The following FNIP2 variants were observed in gnomAD, a reference collection of about 807,000 sequenced individuals.
The protein encoded by FNIP2 is folliculin interacting protein 2.
Under a neutral mutation model 108.7 loss-of-function variants are expected in FNIP2, and 32 were observed. That is an observed-to-expected ratio of 0.29 (90% CI 0.22 to 0.40). The LOEUF (loss-of-function observed/expected upper bound fraction) is 0.40, where lower values mean the gene tolerates loss of function less well. Among genes scored for constraint, FNIP2 ranks in the 10% least tolerant of loss-of-function variants. The probability of loss-of-function intolerance (pLI) is 1.00; values close to 1 mark genes in which losing one functional copy is unlikely to be tolerated. For missense variants in FNIP2, 1,202 were observed against 1,381.6 expected, an observed-to-expected ratio of 0.87 and a Z score of 2.06; for synonymous variants, 480 against 496.7, an observed-to-expected ratio of 0.97 and a Z score of 0.45.
At chr4:158,889,874 T>C (rs2126767235) in intron 14 of FNIP2, 1 of 985,250 alleles carries the variant, frequency 1.0e-6, no homozygotes, top group East Asian at 1.1e-4. Context: ...TATAAATTTA[T>C]AACACAGGAT....
At chr4:158,872,808 G>C in intron 14 of FNIP2, 7 of 945,370 alleles carry the variant, frequency 7.4e-6, no homozygotes, top group Non-Finnish European at 8.8e-6. Context: ...AAATATTTTA[G>C]GAGTATTTGT....
intron 1 of FNIP2, among the ~76,000 whole-genome samples, chr4:158,793,648 G>A (rs922736043): frequency 2.0e-5 from 3 of 152,132 alleles, no homozygotes; most frequent in Admixed American, 6.5e-5. Context: ...TAAGATTGGC[G>A]AATGAGCATA....
At chr4:158,840,389 GT>G (rs1381930042) in intron 7 of FNIP2, among the ~76,000 whole-genome samples, 6 of 151,746 alleles carry the variant, frequency 4.0e-5, no homozygotes, top group African/African-American at 1.5e-4. Context: ...GCTAAAATTT[GT>G]TTTTTTGTTG....
chr4:158,770,572 C>T lies in FNIP2; in HGVS notation c.107+1253C>T, dbSNP rs142896245. Among the ~76,000 whole-genome samples, 717 of 152,234 alleles carry T rather than the reference C, an allele frequency of 4.7e-3. 4 individuals carry two copies. The highest frequency in any genetic ancestry group is 0.021 in the South Asian group (100 of 4,818). On this transcript the variant is annotated intron_variant, in intron 1 of 16. Coordinates refer to ENST00000264433, the MANE Select transcript of FNIP2 (RefSeq NM_020840.3). ...TTAAACGTGTGTGTGTGTGTGCACG[C>T]GCGCTCATGGAAGGCATATTGTGAG...
intron 15 of FNIP2, among the ~76,000 whole-genome samples, chr4:158,894,964 A>G (rs1782547887): frequency 6.6e-6 from 1 of 152,204 alleles, no homozygotes; most frequent in African/African-American, 2.4e-5. Context: ...CTAATGGTCT[A>G]GAAGAAAATT....
intron 1 of FNIP2, among the ~76,000 whole-genome samples, chr4:158,792,603 A>C (rs1350419397): frequency 6.6e-6 from 1 of 152,182 alleles, no homozygotes; most frequent in East Asian, 1.9e-4. Context: ...AGAAACACAT[A>C]TACACTATAA....
chr4:158,781,776 G>A lies in FNIP2; in HGVS notation c.107+12457G>A, dbSNP rs116679538. ...AAGTGATCCGCCTGTCTTGGCCTCC[G>A]CAAGGTGCTGGGATTACAGGCGGGA... is the stretch of plus-strand genomic sequence containing the variant. On this transcript the variant is annotated intron_variant, in intron 1 of 16. Transcript: ENST00000264433. Among the ~76,000 whole-genome samples the A allele has an allele frequency of 2.3e-3, 347 of 152,128 alleles. 3 individuals carry two copies. The highest frequency in any genetic ancestry group is 7.8e-3 in the African/African-American group (322 of 41,502).
At chr4:158,890,601 C>T (rs1026056429) in intron 14 of FNIP2, among the ~76,000 whole-genome samples, 2 of 152,192 alleles carry the variant, frequency 1.3e-5, no homozygotes, top group Non-Finnish European at 2.9e-5. Context: ...AGCTGTATAT[C>T]TCTTTGGGTT....
chr4:158,794,146 A>G (rs1243343465), intron 1 of FNIP2, among the ~76,000 whole-genome samples: 1 of 152,180 alleles, frequency 6.6e-6, no homozygotes, highest in Non-Finnish European at 1.5e-5. Flanking sequence ...ACAAAATACT[A>G]AAATTCATTT....
chr4:158,901,349 C>T (rs1301560930), intron 16 of FNIP2, among the ~76,000 whole-genome samples: 1 of 152,026 alleles, frequency 6.6e-6, no homozygotes, highest in African/African-American at 2.4e-5. Flanking sequence ...AGGGTTTCTG[C>T]AGAGATCTGC....
chr4:158,772,570 G>A (rs1338815141), intron 1 of FNIP2, among the ~76,000 whole-genome samples: 1 of 152,174 alleles, frequency 6.6e-6, no homozygotes, highest in Admixed American at 6.5e-5. Flanking sequence ...AACAAGTGAA[G>A]GCATTGCAGC....
intron 10 of FNIP2, among the ~76,000 whole-genome samples, chr4:158,860,889 T>C (rs1242166283): frequency 6.6e-6 from 1 of 152,122 alleles, no homozygotes; most frequent in East Asian, 1.9e-4. Flanking sequence ...TCTCTTGACC[T>C]TGTAATCCAC....
chr4:158,867,443 C>T (rs919975136), intron 12 of FNIP2, among the ~76,000 whole-genome samples: 3 of 152,214 alleles, frequency 2.0e-5, no homozygotes, highest in Non-Finnish European at 4.4e-5. Context: ...TTGCCTGCCT[C>T]AGCCTCCCAA....
At chr4:158,786,318 C>A (rs1776223072) in intron 1 of FNIP2, among the ~76,000 whole-genome samples, 1 of 152,210 alleles carries the variant, frequency 6.6e-6, no homozygotes, top group Non-Finnish European at 1.5e-5. Context: ...AAATATTCTA[C>A]TGGCTTCATG....
intron 1 of FNIP2, among the ~76,000 whole-genome samples, chr4:158,780,635 A>G (rs1377998909): frequency 6.6e-6 from 1 of 152,244 alleles, no homozygotes; most frequent in Non-Finnish European, 1.5e-5. Flanking sequence ...AACTGAAGTC[A>G]GTCAGCTCTT....
chr4:158,769,314 C>T lies in FNIP2; in HGVS notation c.102C>T (p.Ala34=). The change falls in exon 1 of 17, where the codon GCC becomes GCT. Residue 34 remains alanine, a synonymous_variant. Coordinates refer to ENST00000264433, the MANE Select transcript of FNIP2 (RefSeq NM_020840.3). ...GCAGGGCTCCTAAGGAAGGACCCGC[C>T]TTTAGGTGAGGGGGCGCCGGGGGGC... ...AQGRAPKEGP[A]FSWSCSEFDL... 6.6e-7 allele frequency: 1 copy of T among 1,503,970 alleles called. No homozygotes were observed. The highest frequency in any genetic ancestry group is 8.9e-7 in the Non-Finnish European group (1 of 1,126,878). The allele number at this position is 1,503,970 out of a possible 1,614,324, so 93.2% of individuals were successfully genotyped here.
chr4:158,902,286 C>T (rs553568094), intron 16 of FNIP2, among the ~76,000 whole-genome samples: 62 of 152,284 alleles, frequency 4.1e-4, no homozygotes, highest in African/African-American at 1.4e-3. Flanking sequence ...CCACTACAGA[C>T]CCTGTTTGCC....
At chr4:158,799,661 A>G (rs532464260) in intron 1 of FNIP2, among the ~76,000 whole-genome samples, 3 of 152,220 alleles carry the variant, frequency 2.0e-5, no homozygotes, top group Non-Finnish European at 2.9e-5. Context: ...TCCAAATGCT[A>G]GGGACAACCT....
chr4:158,892,159 T>G (rs1782318212), intron 15 of FNIP2, among the ~76,000 whole-genome samples: 1 of 149,618 alleles, frequency 6.7e-6, no homozygotes, highest in Admixed American at 6.7e-5. Context: ...TTTTTTTTTT[T>G]TTTGACAGAG....
Sources: allele counts gnomAD v4.1 joint callset (sites outside exome capture counted in the v4.1 genomes callset), GRCh38; gene constraint gnomAD v4.1.1; transcripts MANE v1.5; gene names NCBI Gene and HGNC (gene_info 2026-07-23, HGNC 2026-07-21).